MLLT10: variants seen among roughly 807,000 people sequenced by gnomAD.
The protein encoded by MLLT10 is MLLT10 histone lysine methyltransferase DOT1L cofactor.
A neutral mutation model predicts 129.1 loss-of-function variants in MLLT10; 30 were observed. The ratio of observed to expected loss-of-function variants is 0.23; its 90% CI spans 0.17 to 0.32. The LOEUF is 0.32. MLLT10 is among the 10% of genes least tolerant of loss of function. The pLI, the probability that MLLT10 is intolerant of heterozygous loss-of-function variation, is 1.00. For missense variants in MLLT10, 1,119 were observed against 1,268.3 expected (o/e 0.88, Z 1.79); for synonymous variants, 490 against 446.4 (o/e 1.10, Z -1.23).
At chr10:21,607,559 G>A (rs548255489) in intron 5 of MLLT10, among the ~76,000 whole-genome samples, 1 of 152,152 alleles carries the variant, frequency 6.6e-6, no homozygotes, top group South Asian at 2.1e-4. Context: ...GACCCCAGGT[G>A]ATCCGCCCAC....
intron 3 of MLLT10, among the ~76,000 whole-genome samples, chr10:21,572,649 C>T (rs1479855213): frequency 1.3e-5 from 2 of 151,372 alleles, no homozygotes; most frequent in Non-Finnish European, 2.9e-5. Flanking sequence ...GAGACAGAGT[C>T]TTACTCTGTT....
In MLLT10 at chr10:21,670,467, A is replaced by G. The variant is rs2051282011; in HGVS notation, c.814A>G (p.Asn272Asp). Residue 272 changes from asparagine (N) to aspartate (D), a missense_variant, in exon 10 of 23, where the codon AAC (asparagine) becomes GAC (aspartate). By Grantham distance (23) the Asn-to-Asp change is conservative (BLOSUM62 1). Coordinates refer to ENST00000307729, the MANE Select transcript of MLLT10 (RefSeq NM_001195626.3). ...ATGTTAGACTTATACAAGCACTAGCAACAACTCTATATCTGGATCATTGAA... is the reference window on the plus strand; with the variant it reads ...ATGTTAGACTTATACAAGCACTAGCGACAACTCTATATCTGGATCATTGAA... ...TTEKTYTSTS[N>D]NSISGSLKRL... is the part of the protein sequence containing the mutation. 6.2e-7 allele frequency: 1 copy of G among 1,612,802 alleles called. No homozygotes were observed. Among genetic ancestry groups the G allele is most frequent in the Non-Finnish European group, 8.5e-7 (1 of 1,179,698 alleles).
Position 21,691,339 on chromosome 10 carries a change from G to T in MLLT10, c.1699+9082G>T, listed in dbSNP as rs978836141. 5.3e-5 allele frequency among the ~76,000 whole-genome samples: 8 copies of T among 151,806 alleles called. No homozygotes were observed. In the East Asian group the frequency reaches 1.5e-3, roughly 29 times the overall value. ...TGATATACTTGTTTCACACTCAGAG[G>T]GTCATTTTATTTCAGGATCTCTTGA... is the stretch of plus-strand genomic sequence containing the variant. On this transcript the variant is annotated intron_variant, in intron 13 of 22. Coordinates refer to ENST00000307729, the MANE Select transcript of MLLT10 (RefSeq NM_001195626.3).
chr10:21,671,954 A>T (rs542945151), intron 10 of MLLT10, among the ~76,000 whole-genome samples: 2 of 152,302 alleles, frequency 1.3e-5, no homozygotes, highest in Admixed American at 6.5e-5. Context: ...CCCTGCCTCA[A>T]AAAACAAACA....
Position 21,742,500 on chromosome 10 carries a change from A to C in MLLT10, c.*517A>C. ...ATTCAGTATTACAAATATATAGCAC[A>C]TCACCTGGGACTTGGCAATCTTTGT... On this transcript the variant is annotated 3_prime_UTR_variant, in exon 23 of 23. Coordinates refer to ENST00000307729, the MANE Select transcript of MLLT10 (RefSeq NM_001195626.3). The C allele has an allele frequency of 4.7e-6, 1 of 215,032 alleles. No homozygotes were observed. Among genetic ancestry groups the C allele is most frequent in the Non-Finnish European group, 9.4e-6 (1 of 106,570 alleles). The allele number at this position is 215,032 out of a possible 1,614,324, so 13.3% of individuals were successfully genotyped here. A position where few individuals can be genotyped will look rare whatever the true frequency, so the allele number is the denominator to read the frequency against.
At chr10:21,664,421 C>A (rs563582871) in intron 9 of MLLT10, among the ~76,000 whole-genome samples, 39 of 151,212 alleles carry the variant, frequency 2.6e-4, no homozygotes, top group Middle Eastern at 3.4e-3. Flanking sequence ...TCAAGCGATT[C>A]TCCTGTCTCA....
chr10:21,615,457 C>CAAAAAAAAAAGA (rs2045143738), intron 7 of MLLT10, among the ~76,000 whole-genome samples: 1 of 75,594 alleles, frequency 1.3e-5, no homozygotes, highest in East Asian at 5.8e-4. Flanking sequence ...GACTCCGTCT[C>CAAAAAAAAAAGA]AAAAAAAAAA....
intron 8 of MLLT10, chr10:21,626,363 CGCGTGCCACCCCCCAAGTCTAT>C: frequency 1.5e-6 from 1 of 661,278 alleles, no homozygotes; most frequent in Non-Finnish European, 2.7e-6. Context: ...AAATCTCGCA[CGCGTGCCACCCCCCAAGTCTAT>C]GATTCTTATG....
At chr10:21,724,058 T>C (rs2057312314) in intron 14 of MLLT10, among the ~76,000 whole-genome samples, 2 of 152,354 alleles carry the variant, frequency 1.3e-5, no homozygotes, top group African/African-American at 4.8e-5. Flanking sequence ...ACATGGTAAG[T>C]GAACAGCACG....
chr10:21,708,544 C>T (rs1776234954), intron 13 of MLLT10: 7 of 981,162 alleles, frequency 7.1e-6, no homozygotes, highest in Non-Finnish European at 8.5e-6. Flanking sequence ...AGGAAAGGAA[C>T]ATTTTGCTCT....
chr10:21,603,121 T>G (rs2043716148), intron 5 of MLLT10, among the ~76,000 whole-genome samples: 1 of 150,790 alleles, frequency 6.6e-6, no homozygotes, highest in Non-Finnish European at 1.5e-5. Context: ...GGTGCGATCT[T>G]GGCTCACTGC....
chr10:21,628,114 T>C (rs1352359544), intron 8 of MLLT10, among the ~76,000 whole-genome samples: 1 of 152,212 alleles, frequency 6.6e-6, no homozygotes, highest in Non-Finnish European at 1.5e-5. Flanking sequence ...CTTTTGCTGA[T>C]ATTCTCCTGC....
intron 4 of MLLT10, among the ~76,000 whole-genome samples, chr10:21,592,039 C>T (rs1434162436): frequency 2.6e-5 from 4 of 152,038 alleles, no homozygotes; most frequent in South Asian, 2.1e-4. Flanking sequence ...CCACTTAACA[C>T]GAAATGTAGA....
At chr10:21,597,438 C>T (rs1194704799) in intron 5 of MLLT10, among the ~76,000 whole-genome samples, 21 of 152,150 alleles carry the variant, frequency 1.4e-4, no homozygotes, top group African/African-American at 4.8e-4. Flanking sequence ...AGCGCAGTCT[C>T]GGCTCACTGC....
At chr10:21,614,735 C>T (rs1333493994) in intron 6 of MLLT10, 96 bp from the exon 7 acceptor site, 2 of 852,990 alleles carry the variant, frequency 2.3e-6, no homozygotes, top group East Asian at 2.8e-5. Context: ...GTTATTTTCT[C>T]AGAGCATGAA....
intron 3 of MLLT10, among the ~76,000 whole-genome samples, chr10:21,558,519 A>T (rs2038364782): frequency 6.6e-6 from 1 of 151,524 alleles, no homozygotes; most frequent in South Asian, 2.1e-4. Flanking sequence ...TAAATATATG[A>T]CTGAGCAAGT....
intron 13 of MLLT10, among the ~76,000 whole-genome samples, chr10:21,692,810 G>A (rs898052848): frequency 6.6e-6 from 1 of 151,988 alleles, no homozygotes; most frequent in African/African-American, 2.4e-5. Flanking sequence ...TAAAATCACT[G>A]GTTCAAGAGT....
Position 21,628,431 on chromosome 10 carries a change from C to CTTTT in MLLT10, c.699+11243_699+11246dup, listed in dbSNP as rs774410121. Among the ~76,000 whole-genome samples, 132 of 115,956 alleles carry CTTTT rather than the reference C, an allele frequency of 1.1e-3. 2 individuals carry two copies. The highest frequency in any genetic ancestry group is 2.4e-3 in the African/African-American group (69 of 28,888). 76.1% of individuals were successfully genotyped at this position (115,956 alleles called of 152,430 possible). On this transcript the variant is annotated intron_variant, in intron 8 of 22. Transcript: ENST00000307729. Reference sequence around the variant, plus strand: ...AGACTAAAGCTGAAGGATGCTCTCTCTTTTTTTTTTTTTTTTTTTTTTGAG... The same window carrying CTTTT: ...AGACTAAAGCTGAAGGATGCTCTCTCTTTTTTTTTTTTTTTTTTTTTTTTTTGAG...
At chr10:21,606,507 T>A (rs2044085942) in intron 5 of MLLT10, among the ~76,000 whole-genome samples, 1 of 152,186 alleles carries the variant, frequency 6.6e-6, no homozygotes, top group South Asian at 2.1e-4. Flanking sequence ...TAAGAACATT[T>A]GTGTTTTGTG....
Sources: allele counts gnomAD v4.1 joint callset (sites outside exome capture counted in the v4.1 genomes callset), GRCh38; gene constraint gnomAD v4.1.1; transcripts MANE v1.5; gene names NCBI Gene and HGNC (gene_info 2026-07-23, HGNC 2026-07-21).